Variants in CFAP99 observed in about 807,000 individuals in gnomAD.
CFAP99 encodes the protein cilia- and flagella-associated protein 99.
A neutral mutation model predicts 82.7 loss-of-function variants in CFAP99; 84 were observed. The observed-to-expected ratio is 1.02, with a 90% CI of 0.85 to 1.22. The LOEUF (loss-of-function observed/expected upper bound fraction) is 1.22, where lower values mean the gene tolerates loss of function less well. CFAP99 is among the 50% of genes most tolerant of loss of function. CFAP99 has a pLI of 0.00. For missense variants in CFAP99, 1,059 were observed against 983.5 expected (o/e 1.08, Z -1.03); for synonymous variants, 456 against 429.5 (o/e 1.06, Z -0.76).
At chr4:2,434,364 C>G (rs1733864827) in intron 2 of CFAP99, among the ~76,000 whole-genome samples, 1 of 152,182 alleles carries the variant, frequency 6.6e-6, no homozygotes, top group African/African-American at 2.4e-5. Context: ...GAACTGCACC[C>G]TGAGCCCCTC....
At chr4:2,459,802 G>C (rs763246405) in intron 13 of CFAP99, among the ~76,000 whole-genome samples, 1 of 152,234 alleles carries the variant, frequency 6.6e-6, no homozygotes, top group Non-Finnish European at 1.5e-5. Context: ...AGCTCCATTT[G>C]GGACTTGCCA....
exon 13 of CFAP99, chr4:2,459,161 C>T: frequency 6.5e-7 from 1 of 1,535,436 alleles, no homozygotes. Flanking sequence ...GCGCAGGCAG[C>T]CCAGGAGGAG....
chr4:2,459,632 G>A (rs984788736), intron 13 of CFAP99, among the ~76,000 whole-genome samples: 2 of 152,228 alleles, frequency 1.3e-5, no homozygotes, highest in Non-Finnish European at 1.5e-5. Flanking sequence ...GGAGGTTGAG[G>A]AGGGCCTGCC....
intron 12 of CFAP99, 27 bp downstream of exon 12, chr4:2,458,891 C>T (rs1251577156): frequency 2.6e-6 from 4 of 1,524,314 alleles, no homozygotes; most frequent in East Asian, 4.9e-5. Context: ...TGTCACTGGC[C>T]CTACCCCGCT....
rs2108730707 is a variant in CFAP99, at chr4:2,450,949, C to T, written c.798C>T (p.Gly266=). 3.9e-6 allele frequency: 6 copies of T among 1,535,964 alleles called. 1 individual carries two copies. In the Middle Eastern group the frequency reaches 8.4e-4, roughly 214 times the overall value. The change falls in exon 9 of 15, where the codon GGC becomes GGT. Residue 266 remains glycine, a splice_region_variant and synonymous_variant. Coordinates refer to ENST00000635017, the Ensembl canonical transcript of CFAP99. ...CAGCTCTGCCCTGACTCCTGCAGGGCTCCAAGCAGCAGCTGCGGCTTCAGT... is the reference window on the plus strand; with the variant it reads ...CAGCTCTGCCCTGACTCCTGCAGGGTTCCAAGCAGCAGCTGCGGCTTCAGT...
rs118181989 is a variant in CFAP99 at position 2,459,120 on chromosome 4, C to T, written c.1317C>T (p.Ile439=). 4,231 of 1,521,082 alleles carry T rather than the reference C, an allele frequency of 2.8e-3. 27 individuals are homozygous for T. The highest frequency in any genetic ancestry group is 0.025 in the Middle Eastern group (147 of 5,916). The allele number at this position is 1,521,082 out of a possible 1,614,324, so 94.2% of individuals were successfully genotyped here. The change falls in exon 13 of 15, where the codon ATC becomes ATT. Residue 439 remains isoleucine (I), a synonymous_variant. Coordinates refer to ENST00000635017, the Ensembl canonical transcript of CFAP99. ...TTGGCCCCCAAGTTCAGGAGGCGAT[C>T]GAGGAGAGCAGGGGGCTGCTGCAGC...
At chr4:2,421,060 G>T (rs1376886478) in intron 1 of CFAP99, among the ~76,000 whole-genome samples, 1 of 152,236 alleles carries the variant, frequency 6.6e-6, no homozygotes, top group Non-Finnish European at 1.5e-5. Flanking sequence ...GGGAGGAAAG[G>T]GGTAGTGGAG....
At chr4:2,443,414 T>C (rs1734096349) in intron 5 of CFAP99, among the ~76,000 whole-genome samples, 172 bp downstream of exon 5, 1 of 152,236 alleles carries the variant, frequency 6.6e-6, no homozygotes. Context: ...AGTCCCAGGC[T>C]GGCCCCACAG....
chr4:2,420,845 G>A (rs997211979), intron 1 of CFAP99, among the ~76,000 whole-genome samples: 1 of 152,036 alleles, frequency 6.6e-6, no homozygotes, highest in Non-Finnish European at 1.5e-5. Context: ...TCACCTCCTC[G>A]GCCCAGGAAC....
exon 11 of CFAP99, chr4:2,452,206 C>A: frequency 6.5e-7 from 1 of 1,536,134 alleles, no homozygotes; most frequent in South Asian, 1.2e-5. Context: ...GAAGAAGATG[C>A]AGGCGAAGGA....
intron 2 of CFAP99, among the ~76,000 whole-genome samples, chr4:2,429,452 C>G (rs541548708): frequency 6.6e-6 from 1 of 152,314 alleles, no homozygotes; most frequent in African/African-American, 2.4e-5. Context: ...CCTGGCACAC[C>G]GATCCTACCG....
chr4:2,429,859 G>T (rs971973074), intron 2 of CFAP99, among the ~76,000 whole-genome samples: 1 of 152,190 alleles, frequency 6.6e-6, no homozygotes, highest in Non-Finnish European at 1.5e-5. Flanking sequence ...CCAAGGTGCT[G>T]GGATTACAGG....
intron 6 of CFAP99, among the ~76,000 whole-genome samples, chr4:2,447,565 T>A (rs1280184458): frequency 9.5e-5 from 14 of 146,850 alleles, no homozygotes; most frequent in Non-Finnish European, 1.5e-5. Context: ...GGATGGATGA[T>A]GAGATGAGTT....
Position 2,462,632 on chromosome 4 carries a change from C to A in CFAP99, c.1851C>A (p.Pro617=), listed in dbSNP as rs1206400005. The change falls in exon 15 of 15, where the codon CCC becomes CCA. Residue 617 remains proline, a synonymous_variant. Coordinates refer to ENST00000635017, the Ensembl canonical transcript of CFAP99. This position sits in a 1 kb window ranked among gnomAD's most constrained non-coding sequence, Gnocchi z 4.1. The stretch of plus-strand genomic sequence containing the variant: ...TGAGTCCGGATTGGTGGGAGGAGCC[C>A]GGGCGACTGAAAGCCGGGGCCGGGT... 2 of 1,310,786 alleles carry A rather than the reference C, an allele frequency of 1.5e-6. No individual in the cohort carries two copies. The highest frequency in any genetic ancestry group is 2.1e-5 in the South Asian group (1 of 46,958). The allele number at this position is 1,310,786 out of a possible 1,614,324, so 81.2% of individuals were successfully genotyped here. A position where few individuals can be genotyped will look rare whatever the true frequency, so the allele number is the denominator to read the frequency against.
At chr4:2,441,673 G>T (rs1344298404) in intron 4 of CFAP99, among the ~76,000 whole-genome samples, 4 of 152,236 alleles carry the variant, frequency 2.6e-5, no homozygotes, top group African/African-American at 9.6e-5. Flanking sequence ...GAACTGCCCA[G>T]GAGACTGCCT....
intron 4 of CFAP99, among the ~76,000 whole-genome samples, chr4:2,442,002 G>A (rs548558655): frequency 1.3e-5 from 2 of 152,172 alleles, no homozygotes; most frequent in Non-Finnish European, 2.9e-5. Flanking sequence ...GCTGGCAGAG[G>A]GGGAGTCAGA....
rs771457812 is a variant in CFAP99 at position 2,459,151 on chromosome 4, G to T, written c.1348G>T (p.Ala450Ser). The T allele has an allele frequency of 1.8e-5, 28 of 1,535,130 alleles. No individual in the cohort carries two copies. In the Middle Eastern group the frequency reaches 3.2e-3, roughly 174 times the overall value. The change falls in exon 13 of 15, where the codon GCG (alanine) becomes TCG (serine). Residue 450 changes from alanine (A) to serine (S), a missense_variant. Transcript: ENST00000635017. The stretch of plus-strand genomic sequence containing the variant: ...GAGCAGGGGGCTGCTGCAGCGCAGG[G>T]CGCAGGCAGCCCAGGAGGAGCAGCG...
chr4:2,451,018 G>A, exon 9 of CFAP99: 4 of 1,535,848 alleles, frequency 2.6e-6, no homozygotes, highest in Non-Finnish European at 3.5e-6. Flanking sequence ...CCTTCTATAG[G>A]GTGAGGGGTG....
intron 11 of CFAP99, among the ~76,000 whole-genome samples, chr4:2,454,581 C>CTTTTTTTTTTTTGTTTTTTTTTTT (rs1459688913): frequency 2.1e-5 from 2 of 94,722 alleles, no homozygotes; most frequent in Admixed American, 1.1e-4. Context: ...TGTTTTTTTT[C>CTTTTTTTTTTTTGTTTTTTTTTTT]TTTTTTTTTT....
Sources: gnomAD v4.1 joint callset for allele counts (sites outside exome capture counted in the v4.1 genomes callset) on GRCh38, gnomAD v4.1.1 for gene constraint, Gnocchi (gnomAD v3.1) non-coding constraint, MANE v1.5 for transcripts, NCBI Gene and HGNC (gene_info 2026-07-23, HGNC 2026-07-21) for gene names.